Variants in FSTL5 observed in about 807,000 individuals in gnomAD.
FSTL5 encodes follistatin like 5.
FSTL5 carries 62 observed loss-of-function variants against 89.1 expected under a neutral mutation model. The observed-to-expected ratio is 0.70, with a 90% CI of 0.57 to 0.86. The LOEUF is 0.86. FSTL5 is among the 40% of genes least tolerant of loss of function. The pLI is 0.00. For missense variants in FSTL5, 1,057 were observed against 1,001.6 expected, an observed-to-expected ratio of 1.06 and a Z score of -0.75; for synonymous variants, 383 against 346.2, an observed-to-expected ratio of 1.11 and a Z score of -1.18.
intron 15 of FSTL5, among the ~76,000 whole-genome samples, chr4:161,441,816 G>A (rs992964911): frequency 6.6e-6 from 1 of 151,968 alleles, no homozygotes; most frequent in African/African-American, 2.4e-5. Context: ...TCTCTTCTTG[G>A]TAGGACTGTT....
At chr4:161,922,374 A>G (rs892507521) in intron 3 of FSTL5, among the ~76,000 whole-genome samples, 5 of 152,042 alleles carry the variant, frequency 3.3e-5, no homozygotes, top group Non-Finnish European at 7.4e-5. Context: ...CATGACACAC[A>G]TTTACTTATG....
chr4:161,704,042 A>G (rs1738490100), intron 6 of FSTL5, among the ~76,000 whole-genome samples: 1 of 152,128 alleles, frequency 6.6e-6, no homozygotes, highest in Non-Finnish European at 1.5e-5. Flanking sequence ...CCCCCAAACC[A>G]CTAAGCTAAA....
chr4:161,748,388 T>A (rs1480662425), intron 6 of FSTL5, among the ~76,000 whole-genome samples: 1 of 152,112 alleles, frequency 6.6e-6, no homozygotes, highest in Non-Finnish European at 1.5e-5. Flanking sequence ...CTGAAAAAGT[T>A]TTTTTAGCAT....
rs765043827 is a variant in FSTL5, at chr4:161,776,024, C to T, written c.460G>A (p.Asp154Asn). The T allele has an allele frequency of 6.3e-7, 1 of 1,590,408 alleles. No homozygotes were observed. ...ATAATATATTTTTGATTTTGTAAAT[C>T]TAATAGCATATTTTTCATCTTGCTG... ...EYSKMKNMLL[D>N]LQNQKYIMQE... is the part of the protein sequence containing the mutation. Residue 154 changes from aspartate to asparagine, a missense_variant, in exon 5 of 16, where the codon GAT becomes AAT. Physicochemically the swap from Asp to Asn is conservative, Grantham distance 23. Around this residue, in one of 3 missense-constraint regions of FSTL5, gnomAD observed 980 missense variants for 903.2 expected, o/e 1.08. Coordinates refer to ENST00000306100, the MANE Select transcript of FSTL5 (RefSeq NM_020116.5).
At chr4:161,903,212 A>C (rs1318388910) in intron 4 of FSTL5, among the ~76,000 whole-genome samples, 1 of 151,832 alleles carries the variant, frequency 6.6e-6, no homozygotes, top group Non-Finnish European at 1.5e-5. Flanking sequence ...CAGTCTCCTT[A>C]TGTTATGTGC....
At chr4:161,428,038 GCCAC>G (rs967358099) in intron 15 of FSTL5, among the ~76,000 whole-genome samples, 1 of 152,178 alleles carries the variant, frequency 6.6e-6, no homozygotes, top group African/African-American at 2.4e-5. Flanking sequence ...CTCAGCAGCA[GCCAC>G]ATGGCACAGA....
chr4:161,642,597 T>C (rs1027909998), intron 7 of FSTL5, among the ~76,000 whole-genome samples: 4 of 152,202 alleles, frequency 2.6e-5, no homozygotes, highest in African/African-American at 9.6e-5. Context: ...AAGAAAATTA[T>C]ATTTTAATAA....
intron 3 of FSTL5, among the ~76,000 whole-genome samples, chr4:161,987,758 G>T (rs922849148): frequency 1.1e-4 from 17 of 151,620 alleles, no homozygotes; most frequent in African/African-American, 4.1e-4. Flanking sequence ...CTAACTTGCA[G>T]GCTGAAGTTT....
intron 11 of FSTL5, among the ~76,000 whole-genome samples, chr4:161,509,252 G>A (rs771086128): frequency 2.0e-5 from 3 of 152,176 alleles, no homozygotes; most frequent in African/African-American, 7.2e-5. Context: ...GCAGTGCGCC[G>A]AGATCGCGCC....
chr4:161,405,274 A>G (rs188739546), intron 15 of FSTL5, among the ~76,000 whole-genome samples: 1 of 150,978 alleles, frequency 6.6e-6, no homozygotes, highest in Non-Finnish European at 1.5e-5. Context: ...GAGCTAAAGA[A>G]AAACATGGAT....
At chr4:161,864,845 C>A (rs946812859) in intron 4 of FSTL5, among the ~76,000 whole-genome samples, 1 of 124,822 alleles carries the variant, frequency 8.0e-6, no homozygotes, top group Non-Finnish European at 1.6e-5. Flanking sequence ...GCACTCCGGG[C>A]TGACGACAGA....
At chr4:161,997,947 A>G (rs1736351358) in intron 3 of FSTL5, among the ~76,000 whole-genome samples, 1 of 152,112 alleles carries the variant, frequency 6.6e-6, no homozygotes, top group Non-Finnish European at 1.5e-5. Context: ...AGGTGTGTGA[A>G]TGTGAGGATG....
chr4:161,804,337 C>CT (rs1231134520), intron 4 of FSTL5, among the ~76,000 whole-genome samples: 1 of 151,970 alleles, frequency 6.6e-6, no homozygotes, highest in Non-Finnish European at 1.5e-5. Flanking sequence ...ATAAGGACAT[C>CT]TTTGGGAGTC....
chr4:161,400,664 A>G (rs1731153080), intron 15 of FSTL5, among the ~76,000 whole-genome samples: 1 of 152,144 alleles, frequency 6.6e-6, no homozygotes, highest in East Asian at 1.9e-4. Flanking sequence ...TAGTTACTAA[A>G]TATTACATAT....
intron 4 of FSTL5, among the ~76,000 whole-genome samples, chr4:161,778,088 C>T (rs906521930): frequency 1.3e-4 from 13 of 102,288 alleles, no homozygotes; most frequent in South Asian, 3.6e-4. Flanking sequence ...GGTGAGACTC[C>T]GTATCACACA....
At chr4:161,654,225 G>A (rs963883979) in intron 7 of FSTL5, among the ~76,000 whole-genome samples, 7 of 152,084 alleles carry the variant, frequency 4.6e-5, no homozygotes, top group African/African-American at 1.7e-4. Context: ...TGTCCAGAGA[G>A]TATCAATCAT....
At chr4:162,083,016 A>G (rs1470116303) in intron 2 of FSTL5, among the ~76,000 whole-genome samples, 1 of 151,702 alleles carries the variant, frequency 6.6e-6, no homozygotes, top group Non-Finnish European at 1.5e-5. Context: ...TAAGCTTGCT[A>G]AATGAATGAT....
intron 6 of FSTL5, among the ~76,000 whole-genome samples, chr4:161,699,313 A>G (rs1738292742): frequency 6.6e-6 from 1 of 152,228 alleles, no homozygotes; most frequent in African/African-American, 2.4e-5. Context: ...GCAAATGGCT[A>G]TAGAAATATT....
intron 10 of FSTL5, among the ~76,000 whole-genome samples, chr4:161,527,026 C>T (rs1047116876): frequency 1.4e-4 from 21 of 152,070 alleles, no homozygotes; most frequent in African/African-American, 4.8e-4. Context: ...TATAAATTAC[C>T]TTGGGCAGTA....
Sources: gnomAD v4.1 joint callset for allele counts (sites outside exome capture counted in the v4.1 genomes callset) on GRCh38, gnomAD v4.1.1 for gene constraint, gnomAD v4.1.1 regional missense constraint, MANE v1.5 for transcripts, NCBI Gene and HGNC (gene_info 2026-07-23, HGNC 2026-07-21) for gene names.